LRRC69: variants seen among roughly 807,000 people sequenced by gnomAD.
The protein encoded by LRRC69 is leucine rich repeat containing 69.
LRRC69 carries 42 observed loss-of-function variants against 37.8 expected under a neutral mutation model. The ratio of observed to expected loss-of-function variants is 1.11; its 90% CI spans 0.87 to 1.44. The LOEUF (loss-of-function observed/expected upper bound fraction) is 1.44, where lower values mean the gene tolerates loss of function less well. Among genes scored for constraint, LRRC69 ranks in the 40% most tolerant of loss-of-function variants. LRRC69 has a pLI of 0.00. For missense variants in LRRC69, 357 were observed against 401.9 expected, an observed-to-expected ratio of 0.89 and a Z score of 0.96; for synonymous variants, 141 against 143.1, an observed-to-expected ratio of 0.99 and a Z score of 0.11.
At chr8:91,211,415 A>C (rs911775832) in intron 7 of LRRC69, among the ~76,000 whole-genome samples, 1 of 151,514 alleles carries the variant, frequency 6.6e-6, no homozygotes, top group African/African-American at 2.4e-5. Context: ...AATATATATT[A>C]CTAGATGTTA....
intron 5 of LRRC69, among the ~76,000 whole-genome samples, chr8:91,149,552 C>G (rs1407841941): frequency 2.0e-5 from 3 of 151,678 alleles, no homozygotes; most frequent in Non-Finnish European, 4.4e-5. Context: ...GGTTTTGGAT[C>G]GACTTGGCAC....
intron 1 of LRRC69, among the ~76,000 whole-genome samples, chr8:91,108,719 A>G (rs1038645184): frequency 2.6e-5 from 4 of 151,872 alleles, no homozygotes; most frequent in African/African-American, 7.3e-5. Context: ...ATATTATGAG[A>G]TGTTTTTGTT....
intron 1 of LRRC69, among the ~76,000 whole-genome samples, chr8:91,104,083 C>T (rs953565996): frequency 2.0e-5 from 3 of 151,960 alleles, no homozygotes; most frequent in African/African-American, 7.2e-5. Flanking sequence ...TTTTCTTCAT[C>T]TTCTAGATAC....
chr8:91,136,442 A>G (rs566902697), intron 5 of LRRC69, among the ~76,000 whole-genome samples: 1 of 152,160 alleles, frequency 6.6e-6, no homozygotes, highest in South Asian at 2.1e-4. Context: ...TAATTCAAAT[A>G]TAAAAAAATG....
chr8:91,171,154 A>T (rs1809121531), intron 5 of LRRC69, among the ~76,000 whole-genome samples: 1 of 151,960 alleles, frequency 6.6e-6, no homozygotes, highest in Admixed American at 6.6e-5. Flanking sequence ...AGAATGTATG[A>T]AAAAAAGAAT....
At chr8:91,167,153 G>C (rs1563611769) in intron 5 of LRRC69, among the ~76,000 whole-genome samples, 1 of 151,868 alleles carries the variant, frequency 6.6e-6, no homozygotes, top group East Asian at 1.9e-4. Context: ...GGCTGTAGTA[G>C]TCTGTTGTTA....
intron 3 of LRRC69, among the ~76,000 whole-genome samples, chr8:91,131,228 G>T (rs1314601433): frequency 2.8e-5 from 4 of 140,352 alleles, no homozygotes; most frequent in Admixed American, 7.2e-5. Flanking sequence ...TTTTAAAATT[G>T]ATTTGTCTTT....
At chr8:91,173,542 A>G (rs13256248) in intron 5 of LRRC69, among the ~76,000 whole-genome samples, 4 of 152,172 alleles carry the variant, frequency 2.6e-5, no homozygotes, top group Admixed American at 1.3e-4. Flanking sequence ...ACTTGTATCA[A>G]TTTACTAATA....
At chr8:91,167,102 A>G (rs1340273805) in intron 5 of LRRC69, among the ~76,000 whole-genome samples, 2 of 151,886 alleles carry the variant, frequency 1.3e-5, no homozygotes, top group Non-Finnish European at 2.9e-5. Context: ...AAACTCAGTG[A>G]GTACTACAGG....
chr8:91,105,665 A>AC (rs1420714023), intron 1 of LRRC69, among the ~76,000 whole-genome samples: 1 of 151,404 alleles, frequency 6.6e-6, no homozygotes, highest in African/African-American at 2.4e-5. Context: ...GTCTCAAAAA[A>AC]AAAAAAAAAA....
chr8:91,111,679 T>C (rs1813412161), intron 1 of LRRC69, among the ~76,000 whole-genome samples: 1 of 151,896 alleles, frequency 6.6e-6, no homozygotes, highest in Non-Finnish European at 1.5e-5. Context: ...AGCTAAATGA[T>C]AAGAACGCAT....
intron 2 of LRRC69, among the ~76,000 whole-genome samples, chr8:91,126,213 C>A (rs1813710433): frequency 6.6e-6 from 1 of 151,958 alleles, no homozygotes; most frequent in South Asian, 2.1e-4. Context: ...TTGATCAGGG[C>A]TGGAGTTGGG....
intron 1 of LRRC69, among the ~76,000 whole-genome samples, chr8:91,115,482 G>A (rs1392079424): frequency 6.6e-6 from 1 of 151,880 alleles, no homozygotes; most frequent in East Asian, 1.9e-4. Flanking sequence ...AAGGTTCTGT[G>A]GAAAGAAATA....
chr8:91,107,900 C>A (rs904491816), intron 1 of LRRC69, among the ~76,000 whole-genome samples: 1 of 151,998 alleles, frequency 6.6e-6, no homozygotes, highest in Non-Finnish European at 1.5e-5. Flanking sequence ...CTTGTCTCAT[C>A]CCTATTGCTT....
intron 1 of LRRC69, among the ~76,000 whole-genome samples, chr8:91,109,805 G>A (rs568807363): frequency 1.3e-5 from 2 of 152,106 alleles, no homozygotes; most frequent in South Asian, 2.1e-4. Context: ...TAATTGTTTT[G>A]AGAAATATGA....
intron 5 of LRRC69, among the ~76,000 whole-genome samples, chr8:91,182,020 A>T (rs1809333883): frequency 1.3e-5 from 2 of 152,142 alleles, no homozygotes; most frequent in African/African-American, 4.8e-5. Flanking sequence ...TGACAGGCAC[A>T]TTTTTCTTCA....
At chr8:91,181,777 T>C (rs1320152781) in intron 5 of LRRC69, among the ~76,000 whole-genome samples, 3 of 152,132 alleles carry the variant, frequency 2.0e-5, no homozygotes, top group African/African-American at 7.2e-5. Flanking sequence ...ATTAGGCATA[T>C]GATTTAACTT....
chr8:91,145,148 G>A (rs1808596081), intron 5 of LRRC69, among the ~76,000 whole-genome samples: 1 of 151,890 alleles, frequency 6.6e-6, no homozygotes, highest in African/African-American at 2.4e-5. Flanking sequence ...GAAACTCCTT[G>A]GGAAAGTGAA....
At chr8:91,138,985 A>C (rs1366633431) in intron 5 of LRRC69, 1 of 151,260 alleles carries the variant, frequency 6.6e-6, no homozygotes, top group African/African-American at 2.4e-5. Flanking sequence ...CAAGCCTGGG[A>C]GGTAGAGGTT....
Sources: gnomAD v4.1 joint callset for allele counts (sites outside exome capture counted in the v4.1 genomes callset) on GRCh38, gnomAD v4.1.1 for gene constraint, MANE v1.5 for transcripts, NCBI Gene and HGNC (gene_info 2026-07-23, HGNC 2026-07-21) for gene names.